Variants in RIPPLY3 observed in about 807,000 individuals in gnomAD.
The protein encoded by RIPPLY3 is protein ripply3.
RIPPLY3 carries 8 observed loss-of-function variants against 11.9 expected under a neutral mutation model. The ratio of observed to expected loss-of-function variants is 0.67; its 90% CI spans 0.40 to 1.21. RIPPLY3 has a LOEUF of 1.21. Ranked by LOEUF, RIPPLY3 falls within the 50% of genes most tolerant of loss-of-function variation. The pLI, the probability that RIPPLY3 is intolerant of heterozygous loss-of-function variation, is 0.01. For synonymous variants in RIPPLY3, 102 were observed against 99.0 expected (o/e 1.03, Z -0.18); for missense variants, 271 against 246.0 (o/e 1.10, Z -0.68).
chr21:37,007,897 G>T (rs1461034256), intron 1 of RIPPLY3, among the ~76,000 whole-genome samples: 1 of 152,190 alleles, frequency 6.6e-6, no homozygotes, highest in African/African-American at 2.4e-5. Flanking sequence ...TCAACTAATG[G>T]GTTCCCTGAT....
chr21:37,007,432 A>G (rs2069476858), intron 1 of RIPPLY3, among the ~76,000 whole-genome samples: 1 of 111,680 alleles, frequency 9.0e-6, no homozygotes, highest in Non-Finnish European at 1.7e-5. Flanking sequence ...TTTTTGAGAC[A>G]GGGTCTCACT....
In RIPPLY3 at chr21:37,015,034, A is replaced by G. The variant is rs1012939; in HGVS notation, c.239+1416A>G. ...TGAGCCATTGCTACTGGCCACACCA[A>G]TGGTTTTCAATCCTCATAGAATTAC... On this transcript the variant is annotated intron_variant, in intron 3 of 3. Coordinates refer to ENST00000329553, the MANE Select transcript of RIPPLY3 (RefSeq NM_018962.3). 5.4e-3 allele frequency among the ~76,000 whole-genome samples: 825 copies of G among 152,292 alleles called. 13 individuals are homozygous for G. The highest frequency in any genetic ancestry group is 0.044 in the East Asian group (227 of 5,172).
Position 37,008,193 on chromosome 21 carries a change from A to C in RIPPLY3, c.141A>C (p.Gly47=). 2 of 1,614,130 alleles carry C rather than the reference A, an allele frequency of 1.2e-6. No homozygotes were observed. The highest frequency in any genetic ancestry group is 1.7e-6 in the Non-Finnish European group (2 of 1,179,994). The change falls in exon 2 of 4, where the codon GGA becomes GGC. Residue 47 remains glycine (G), a synonymous_variant. Transcript: ENST00000329553. ...APWRPWIQTP[G]DAELTRTGRP... ...GGCGACCTTGGATCCAGACACCTGG[A>C]GATGCTGAGCTGACCAGAACTGGAA...
intron 2 of RIPPLY3, among the ~76,000 whole-genome samples, chr21:37,012,888 G>A (rs1282459688): frequency 2.1e-5 from 3 of 145,810 alleles, no homozygotes; most frequent in African/African-American, 7.6e-5. Flanking sequence ...TTTTTGAGAC[G>A]GAGTGTCGCT....
At chr21:37,009,560 A>G (rs1266951630) in intron 2 of RIPPLY3, among the ~76,000 whole-genome samples, 1 of 152,232 alleles carries the variant, frequency 6.6e-6, no homozygotes, top group Non-Finnish European at 1.5e-5. Context: ...ATTCAAACTT[A>G]GTTCTTAAAC....
chr21:37,012,254 T>A (rs200452331), intron 2 of RIPPLY3, among the ~76,000 whole-genome samples: 231 of 101,322 alleles, frequency 2.3e-3, no homozygotes, highest in African/African-American at 0.012. Flanking sequence ...TATTATTATT[T>A]TTGAGACGGA....
Position 37,017,926 on chromosome 21 carries a change from C to G in RIPPLY3, c.292C>G (p.Gln98Glu). Residue 98 changes from glutamine (Q) to glutamate (E), a missense_variant, in exon 4 of 4, where the codon CAA becomes GAA. Gln to Glu is a conservative substitution (Grantham distance 29, BLOSUM62 2). Transcript: ENST00000329553. ...RQEYLRSSGEQVLASFPVQAT... is the reference protein window; with the variant it reads ...RQEYLRSSGEEVLASFPVQAT... ...AGAATACCTGCGGAGTTCCGGGGAG[C>G]AAGTACTGGCCAGTTTCCCAGTGCA... 1 of 1,614,128 alleles carries G rather than the reference C, an allele frequency of 6.2e-7. No individual in the cohort carries two copies. The highest frequency in any genetic ancestry group is 8.5e-7 in the Non-Finnish European group (1 of 1,180,016).
intron 2 of RIPPLY3, 97 bp from the exon 3 acceptor site, chr21:37,013,454 A>G: frequency 3.2e-6 from 3 of 938,350 alleles, no homozygotes; most frequent in Non-Finnish European, 5.0e-6. Flanking sequence ...GATATGACCA[A>G]CTGCAGATGA....
At position 37,018,241 on chromosome 21, in the gene RIPPLY3, C is replaced by A. The variant is rs1176948027; in HGVS notation, c.*34C>A. 9 of 1,560,490 alleles carry A rather than the reference C, an allele frequency of 5.8e-6. No homozygotes were observed. The highest frequency in any genetic ancestry group is 2.7e-5 in the African/African-American group (2 of 73,918). ...CTGTCTCCTGGGCCCTGCTCTGGGACCTGCCCCTCACGTTCTCTTGGGGAC... is the reference window on the plus strand; with the variant it reads ...CTGTCTCCTGGGCCCTGCTCTGGGAACTGCCCCTCACGTTCTCTTGGGGAC... On this transcript the variant is annotated 3_prime_UTR_variant, in exon 4 of 4. Coordinates refer to ENST00000329553, the MANE Select transcript of RIPPLY3 (RefSeq NM_018962.3).
At position 37,018,259 on chromosome 21, in the gene RIPPLY3, T is replaced by G; in HGVS notation, c.*52T>G. On this transcript the variant is annotated 3_prime_UTR_variant, in exon 4 of 4. Transcript: ENST00000329553. ...TCTGGGACCTGCCCCTCACGTTCTCTTGGGGACACCCGAGCCAGGACACTA... is the reference window on the plus strand; with the variant it reads ...TCTGGGACCTGCCCCTCACGTTCTCGTGGGGACACCCGAGCCAGGACACTA... The G allele has an allele frequency of 2.0e-6, 3 of 1,495,914 alleles. No individual in the cohort carries two copies. The highest frequency in any genetic ancestry group is 2.8e-6 in the Non-Finnish European group (3 of 1,076,232). 92.7% of individuals were successfully genotyped at this position (1,495,914 alleles called of 1,614,324 possible).
At chr21:37,012,275 G>C (rs189504408) in intron 2 of RIPPLY3, among the ~76,000 whole-genome samples, 292 of 150,726 alleles carry the variant, frequency 1.9e-3, no homozygotes, top group South Asian at 4.4e-3. Flanking sequence ...GTCTCGCTCT[G>C]TTGCCAGGCT....
chr21:37,009,036 C>T (rs1569285580), intron 2 of RIPPLY3, among the ~76,000 whole-genome samples: 1 of 152,080 alleles, frequency 6.6e-6, no homozygotes, highest in African/African-American at 2.4e-5. Flanking sequence ...GTCAAGCACT[C>T]CTGGGGTATC....
At position 37,008,161 on chromosome 21, in the gene RIPPLY3, G is replaced by T; in HGVS notation, c.109G>T (p.Ala37Ser). The T allele has an allele frequency of 6.2e-7, 1 of 1,614,154 alleles. No homozygotes were observed. The highest frequency in any genetic ancestry group is 8.5e-7 in the Non-Finnish European group (1 of 1,180,010). The change falls in exon 2 of 4, where the codon GCG becomes TCG. Residue 37 changes from alanine to serine, a missense_variant. Ala to Ser is a moderately conservative substitution (Grantham distance 99, BLOSUM62 1). Transcript: ENST00000329553. ...PPPPRGPESP[A>S]PWRPWIQTPG... ...TCCTGGCGCTTGCCGTTCCAGCCCC[G>T]CGCCGTGGCGACCTTGGATCCAGAC... is the stretch of plus-strand genomic sequence containing the variant.
chr21:37,013,647 T>A (rs1298287159), intron 3 of RIPPLY3, 29 bp downstream of exon 3: 1 of 1,561,614 alleles, frequency 6.4e-7, no homozygotes, highest in East Asian at 2.3e-5. Context: ...ATAAGTAATC[T>A]GTAATTTCCT....
chr21:37,011,155 A>G (rs1446712133), intron 2 of RIPPLY3, among the ~76,000 whole-genome samples: 1 of 151,988 alleles, frequency 6.6e-6, no homozygotes, highest in African/African-American at 2.4e-5. Context: ...AGCGTGCGCC[A>G]CCACGCCCGG....
rs1264222794 is a variant in RIPPLY3, at chr21:37,018,686, G to T, written c.*479G>T. 6.5e-6 allele frequency: 1 copy of T among 152,922 alleles called. No homozygotes were observed. Among genetic ancestry groups the T allele is most frequent in the Non-Finnish European group, 1.5e-5 (1 of 68,744 alleles). The allele number at this position is 152,922 out of a possible 1,614,324, so 9.5% of individuals were successfully genotyped here. On this transcript the variant is annotated 3_prime_UTR_variant, in exon 4 of 4. Transcript: ENST00000329553. ...GCTTAGTAGCATTTTGGAAAAAAAA[G>T]AAAAAAAGGTTTGGTTTGGTTTTGT...
At chr21:37,012,253 T>TATTATTA (rs1569286422) in intron 2 of RIPPLY3, among the ~76,000 whole-genome samples, 1 of 148,876 alleles carries the variant, frequency 6.7e-6, no homozygotes, top group African/African-American at 2.5e-5. Flanking sequence ...TTATTATTAT[T>TATTATTA]TTTGAGACGG....
rs572233625 is a variant in RIPPLY3 at position 37,019,268 on chromosome 21, A to G, written c.*1061A>G. 6.1e-4 allele frequency: 58 copies of G among 95,328 alleles called. No homozygotes were observed. The highest frequency in any genetic ancestry group is 2.0e-3 in the African/African-American group (58 of 29,342). The allele number at this position is 95,328 out of a possible 1,614,324, so 5.9% of individuals were successfully genotyped here. On this transcript the variant is annotated 3_prime_UTR_variant, in exon 4 of 4. Coordinates refer to ENST00000329553, the MANE Select transcript of RIPPLY3 (RefSeq NM_018962.3). ...AACAAGAGCGAAACTCCGTCTCAAAAAAAAAAAAAAAAAAAAAGAAAGAAA... is the reference window on the plus strand; with the variant it reads ...AACAAGAGCGAAACTCCGTCTCAAAGAAAAAAAAAAAAAAAAAGAAAGAAA...
chr21:37,015,680 C>T (rs2069570557), intron 3 of RIPPLY3, among the ~76,000 whole-genome samples: 2 of 151,984 alleles, frequency 1.3e-5, no homozygotes, highest in Non-Finnish European at 2.9e-5. Flanking sequence ...ATTTATCACC[C>T]GCAACTATGT....
Sources: gnomAD v4.1 joint callset for allele counts (sites outside exome capture counted in the v4.1 genomes callset) on GRCh38, gnomAD v4.1.1 for gene constraint, MANE v1.5 for transcripts, NCBI Gene and HGNC (gene_info 2026-07-23, HGNC 2026-07-21) for gene names.